The following MKI67 variants were observed in gnomAD, a reference collection of about 807,000 sequenced individuals.
MKI67 encodes proliferation marker protein Ki-67.
A neutral mutation model predicts 233.5 loss-of-function variants in MKI67; 152 were observed. That is an observed-to-expected ratio of 0.65 (90% CI 0.57 to 0.74). The LOEUF (loss-of-function observed/expected upper bound fraction) is 0.74. MKI67 is among the 30% of genes least tolerant of loss of function. The pLI is 0.00. For synonymous variants in MKI67, 1,465 were observed against 1,418.5 expected (o/e 1.03, Z -0.74); for missense variants, 3,940 against 3,885.2 (o/e 1.01, Z -0.37).
chr10:128,104,712 G>C lies in MKI67; in HGVS notation c.7128C>G (p.Leu2376=). The change falls in exon 13 of 15, where the codon CTC becomes CTG. Residue 2376 remains leucine, a synonymous_variant. Coordinates refer to ENST00000368654, the MANE Select transcript of MKI67 (RefSeq NM_002417.5). ...TGCCTGCTGATGGTGTTCGTTTCCT[G>C]AGTGCTAAAAATTCTTCCTCTACGT... The part of the protein sequence containing the change: ...KADVEEEFLA[L]RKRTPSAGKA... 1 of 1,614,112 alleles carries C rather than the reference G, an allele frequency of 6.2e-7. No homozygotes were observed. Among genetic ancestry groups the C allele is most frequent in the Non-Finnish European group, 8.5e-7 (1 of 1,180,042 alleles).
chr10:128,114,154 C>A (rs976459727), intron 7 of MKI67, among the ~76,000 whole-genome samples: 3 of 152,206 alleles, frequency 2.0e-5, no homozygotes, highest in Admixed American at 2.0e-4. Context: ...ATTTTATCGA[C>A]AGCCTCATGC....
chr10:128,110,914 C>T (rs1852661285), intron 11 of MKI67, among the ~76,000 whole-genome samples: 1 of 152,216 alleles, frequency 6.6e-6, no homozygotes, highest in South Asian at 2.1e-4. Context: ...TTCTCAAAGT[C>T]TTGGGTGCTC....
Position 128,105,008 on chromosome 10 carries a change from C to A in MKI67, c.6832G>T (p.Asp2278Tyr). 1 of 1,611,984 alleles carries A rather than the reference C, an allele frequency of 6.2e-7. No individual in the cohort carries two copies. The highest frequency in any genetic ancestry group is 8.5e-7 in the Non-Finnish European group (1 of 1,179,506). ...GGAGTTCCCATAAATGCTTTCATGT[C>A]TTTCTCATCACCTCCTGCTGGTTTG... is the stretch of plus-strand genomic sequence containing the variant. ...TPKPAGGDEK[D>Y]MKAFMGTPVQ... Residue 2278 changes from aspartate to tyrosine, a missense_variant, in exon 13 of 15, where the codon GAC (aspartate) becomes TAC (tyrosine). Physicochemically the swap from Asp to Tyr is radical, Grantham distance 160 (BLOSUM62 -3). Coordinates refer to ENST00000368654, the MANE Select transcript of MKI67 (RefSeq NM_002417.5).
In MKI67 at chr10:128,097,324, A is replaced by G. The variant is rs1364070560; in HGVS notation, c.*1866T>C. 6.6e-6 allele frequency: 1 copy of G among 152,068 alleles called. No homozygotes were observed. The highest frequency in any genetic ancestry group is 1.5e-5 in the Non-Finnish European group (1 of 68,006). The allele number at this position is 152,068 out of a possible 1,614,324, so 9.4% of individuals were successfully genotyped here. ...GGTTGTGTAGAAGTGGTGTTCATCT[A>G]TTAAACACGGGGGTAGCCCTTAAAT... is the stretch of plus-strand genomic sequence containing the variant. On this transcript the variant is annotated 3_prime_UTR_variant, in exon 15 of 15. Coordinates refer to ENST00000368654, the MANE Select transcript of MKI67 (RefSeq NM_002417.5).
rs769380440 is a variant in MKI67, at chr10:128,108,077, G to A, written c.3763C>T (p.Gln1255Ter). 2.5e-6 allele frequency: 4 copies of A among 1,613,576 alleles called. No individual in the cohort carries two copies. The highest frequency in any genetic ancestry group is 3.3e-5 in the Admixed American group (2 of 59,956). The change falls in exon 13 of 15, where the codon CAG becomes TAG. Residue 1255 changes from glutamine to a stop codon, truncating the protein, a stop_gained. Transcript: ENST00000368654. LOFTEE classifies it high-confidence loss of function. ...GTTGGGGTGTCCACTGGGTCTGACT[G>A]TGGAGAGTCGCAGGGTATTTTAGTG... ...KTTKIPCDSPQSDPVDTPTST... is the reference protein window; with the variant it reads ...KTTKIPCDSP
In MKI67 at chr10:128,103,933, G is replaced by A. The variant is rs143309375; in HGVS notation, c.7907C>T (p.Pro2636Leu). ...TTTGATGCCCTCATCACCGCTTGCT[G>A]GTTCTTTGTGTGTGTGTGTGCTTTG... ...SGQSTHTHKE[P>L]ASGDEGIKVL... The change falls in exon 13 of 15, where the codon CCA becomes CTA. Residue 2636 changes from proline (P) to leucine (L), a missense_variant. By Grantham distance (98) the Pro-to-Leu change is moderately conservative. Transcript: ENST00000368654. 1,171 of 1,614,062 alleles carry A rather than the reference G, an allele frequency of 7.3e-4. 3 individuals are homozygous for A. Among genetic ancestry groups the A allele is most frequent in the South Asian group, 1.5e-3 (140 of 91,064 alleles).
rs1853045203 is a variant in MKI67, at chr10:128,125,893, C to T, written c.-89-137G>A. 6 of 547,618 alleles carry T rather than the reference C, an allele frequency of 1.1e-5. No homozygotes were observed. In the Admixed American group the frequency reaches 1.3e-4, roughly 12 times the overall value. 33.9% of individuals were successfully genotyped at this position (547,618 alleles called of 1,614,324 possible). A position where few individuals can be genotyped will look rare whatever the true frequency, so the allele number is the denominator to read the frequency against. The stretch of plus-strand genomic sequence containing the variant: ...CCCAGGACGATCCGACCGCAGCCCC[C>T]GGCGCCCCAAAGTCCGGCAGCTGGG... On this transcript the variant is annotated intron_variant, in intron 1 of 14. Coordinates refer to ENST00000368654, the MANE Select transcript of MKI67 (RefSeq NM_002417.5). The surrounding 1 kb of genome is among the most constrained non-coding windows in gnomAD (Gnocchi z 5.3).
chr10:128,112,209 GAT>G lies in MKI67; in HGVS notation c.1891_1892del (p.Ile631GlnfsTer6). On this transcript the variant is annotated frameshift_variant, in exon 9 of 15. Coordinates refer to ENST00000368654, the MANE Select transcript of MKI67 (RefSeq NM_002417.5). LOFTEE classifies it high-confidence loss of function. ...SGNLPSKRVS[I>X]SRSQHDILQM... ...GTAAAATATCATGTTGACTTCGGCTGATAGACACTCTCTTTGAAGGCAGGTTG... is the reference window on the plus strand; with the variant it reads ...GTAAAATATCATGTTGACTTCGGCTGAGACACTCTCTTTGAAGGCAGGTTG... 5.6e-6 allele frequency: 9 copies of G among 1,614,214 alleles called. No homozygotes were observed. Among genetic ancestry groups the G allele is most frequent in the Non-Finnish European group, 7.6e-6 (9 of 1,180,034 alleles).
rs1302316454 is a variant in MKI67, at chr10:128,105,519, TG to T, written c.6320del (p.Pro2107HisfsTer24). The T allele has an allele frequency of 6.2e-7, 1 of 1,614,036 alleles. No individual in the cohort carries two copies. Among genetic ancestry groups the T allele is most frequent in the Admixed American group, 1.7e-5 (1 of 60,008 alleles). On this transcript the variant is annotated frameshift_variant, in exon 13 of 15. Transcript: ENST00000368654. LOFTEE classifies it high-confidence loss of function. ...KTTKIACKSP[P>X]PESMDTPTST... is the part of the protein sequence containing the mutation. ...TTGTTGGAGTGTCCATTGATTCTGG[TG>T]GTGGAGATTTGCAGGCTATTTTGGT... is the stretch of plus-strand genomic sequence containing the variant.
chr10:128,122,866 T>TCAG lies in MKI67; in HGVS notation c.287+12_287+14dup. 1 of 1,340,514 alleles carries TCAG rather than the reference T, an allele frequency of 7.5e-7. No homozygotes were observed. The highest frequency in any genetic ancestry group is 1.0e-6 in the Non-Finnish European group (1 of 955,898). The allele number at this position is 1,340,514 out of a possible 1,614,324, so 83.0% of individuals were successfully genotyped here. A position where few individuals can be genotyped will look rare whatever the true frequency, so the allele number is the denominator to read the frequency against. On this transcript the variant is annotated intron_variant, in intron 4 of 14. Transcript: ENST00000368654. Reference sequence around the variant, plus strand: ...AAGATGACATTTACTGTTAGACCAATCAGCTTTTACCTACCTGAAGGAACG... The same window carrying TCAG: ...AAGATGACATTTACTGTTAGACCAATCAGCAGCTTTTACCTACCTGAAGGAACG...
chr10:128,108,117 C>T lies in MKI67; in HGVS notation c.3723G>A (p.Val1241=). The part of the protein sequence containing the change: ...FQTPGHTEEL[V]AAGKTTKIPC... ...GTATTTTAGTGGTTTTACCAGCAGC[C>T]ACTAATTCCTCGGTGTGACCAGGAG... is the stretch of plus-strand genomic sequence containing the variant. Residue 1241 remains valine (V), a synonymous_variant, in exon 13 of 15, where the codon GTG becomes GTA. Coordinates refer to ENST00000368654, the MANE Select transcript of MKI67 (RefSeq NM_002417.5). 1.2e-6 allele frequency: 2 copies of T among 1,612,864 alleles called. No individual in the cohort carries two copies. The highest frequency in any genetic ancestry group is 2.2e-5 in the South Asian group (2 of 91,020).
At position 128,104,256 on chromosome 10, in the gene MKI67, A is replaced by G. The variant is rs1264946914; in HGVS notation, c.7584T>C (p.Ser2528=). 3.7e-6 allele frequency: 6 copies of G among 1,613,836 alleles called. No homozygotes were observed. In the South Asian group the frequency reaches 4.4e-5, roughly 12 times the overall value. The change falls in exon 13 of 15, where the codon TCT becomes TCC. Residue 2528 remains serine, a synonymous_variant. Coordinates refer to ENST00000368654, the MANE Select transcript of MKI67 (RefSeq NM_002417.5). ...CTGCTGGGTCCAGGATCTGCTTTGG[A>G]GACTCCTTAAACGCTTTGATGCTCT... ...DSKSIKAFKE[S]PKQILDPAAS...
Position 128,105,592 on chromosome 10 carries a change from A to G in MKI67, c.6248T>C (p.Phe2083Ser). The G allele has an allele frequency of 6.2e-7, 1 of 1,613,974 alleles. No individual in the cohort carries two copies. The highest frequency in any genetic ancestry group is 1.1e-5 in the South Asian group (1 of 91,074). ...TTCCTCAGTGTGGTCTGGTGTCTGGAAGAGCTCTTTGAAGCCGGCCAGGTC... is the reference window on the plus strand; with the variant it reads ...TTCCTCAGTGTGGTCTGGTGTCTGGGAGAGCTCTTTGAAGCCGGCCAGGTC... ...LEDLAGFKEL[F>S]QTPDHTEEST... The change falls in exon 13 of 15, where the codon TTC becomes TCC. Residue 2083 changes from phenylalanine (F) to serine (S), a missense_variant. By Grantham distance (155) the Phe-to-Ser change is radical. Transcript: ENST00000368654.
Position 128,103,042 on chromosome 10 carries a change from T to C in MKI67, c.8798A>G (p.Glu2933Gly). ...ELSQTPGHTE[E>G]LANGAADSFT... ...GCTATCAGCAGCACCATTTGCCAGT[T>C]CCTCAGTGTGGCCTGGTGTTTGAGA... The change falls in exon 13 of 15, where the codon GAA (glutamate) becomes GGA (glycine). Residue 2933 changes from glutamate to glycine, a missense_variant. Transcript: ENST00000368654. 6.2e-7 allele frequency: 1 copy of C among 1,614,250 alleles called. No individual in the cohort carries two copies. The highest frequency in any genetic ancestry group is 2.2e-5 in the East Asian group (1 of 44,890).
chr10:128,106,682 G>C lies in MKI67; in HGVS notation c.5158C>G (p.Pro1720Ala), dbSNP rs1390178088. ...GTCATTGATTCCTTAGTGTGACTTG[G>C]TGTCTGGAAGAGCTCGATGAAGCCG... ...LAGFIELFQT[P>A]SHTKESMTNE... The change falls in exon 13 of 15, where the codon CCA becomes GCA. Residue 1720 changes from proline (P) to alanine (A), a missense_variant. Physicochemically the swap from Pro to Ala is conservative, Grantham distance 27. Transcript: ENST00000368654. 1.9e-6 allele frequency: 3 copies of C among 1,614,178 alleles called. No individual in the cohort carries two copies. Among genetic ancestry groups the C allele is most frequent in the Non-Finnish European group, 2.5e-6 (3 of 1,180,042 alleles).
rs1284351700 is a variant in MKI67, at chr10:128,104,581, C to T, written c.7259G>A (p.Ser2420Asn). 6.2e-7 allele frequency: 1 copy of T among 1,614,058 alleles called. No homozygotes were observed. The highest frequency in any genetic ancestry group is 2.2e-5 in the East Asian group (1 of 44,884). Reference sequence around the variant, plus strand: ...CTTAGGAGTCTGTGGCTGTCTCTTGCTGCCAGGTAAATTTCCTAGCAGGTC... The same window carrying T: ...CTTAGGAGTCTGTGGCTGTCTCTTGTTGCCAGGTAAATTTCCTAGCAGGTC... ...KLDLLGNLPG[S>N]KRQPQTPKEK... Residue 2420 changes from serine (S) to asparagine (N), a missense_variant, in exon 13 of 15, where the codon AGC becomes AAC. Coordinates refer to ENST00000368654, the MANE Select transcript of MKI67 (RefSeq NM_002417.5).
chr10:128,125,077 G>T lies in MKI67; in HGVS notation c.92+499C>A, dbSNP rs1853026972. On this transcript the variant is annotated intron_variant, in intron 2 of 14. Coordinates refer to ENST00000368654, the MANE Select transcript of MKI67 (RefSeq NM_002417.5). This position sits in a 1 kb window ranked among gnomAD's most constrained non-coding sequence, Gnocchi z 5.3. ...ACTATACCTGTTATACAGGGACAGG[G>T]TTATTACCACCACCAAACAGGACAG... 6.6e-6 allele frequency among the ~76,000 whole-genome samples: 1 copy of T among 152,126 alleles called. No individual in the cohort carries two copies. Among genetic ancestry groups the T allele is most frequent in the African/African-American group, 2.4e-5 (1 of 41,410 alleles).
intron 4 of MKI67, among the ~76,000 whole-genome samples, chr10:128,119,982 A>G (rs1852897140): frequency 6.6e-6 from 1 of 152,194 alleles, no homozygotes. Flanking sequence ...CCTCAGTGAA[A>G]TGACCTGATT....
At position 128,106,379 on chromosome 10, in the gene MKI67, T is replaced by C. The variant is rs766554871; in HGVS notation, c.5461A>G (p.Thr1821Ala). The part of the protein sequence containing the change: ...NLPGSNRRLQ[T>A]RKEKAQALEE... The stretch of plus-strand genomic sequence containing the variant: ...AGAGCCTGGGCCTTTTCCTTACGAG[T>C]TTGTAGCCGTCTATTGCTGCCAGGT... Residue 1821 changes from threonine (T) to alanine (A), a missense_variant, in exon 13 of 15, where the codon ACT becomes GCT. Transcript: ENST00000368654. 1.5e-5 allele frequency: 25 copies of C among 1,613,796 alleles called. No individual in the cohort carries two copies. Among genetic ancestry groups the C allele is most frequent in the Non-Finnish European group, 2.1e-5 (25 of 1,179,966 alleles).
Sources: allele counts gnomAD v4.1 joint callset (sites outside exome capture counted in the v4.1 genomes callset), GRCh38; gene constraint gnomAD v4.1.1; non-coding constraint Gnocchi (gnomAD v3.1); transcripts MANE v1.5; gene names NCBI Gene and HGNC (gene_info 2026-07-23, HGNC 2026-07-21).